Variants in HHAT observed in about 807,000 individuals in gnomAD.
The protein encoded by HHAT is hedgehog acyltransferase, also known as protein-cysteine N-palmitoyltransferase HHAT.
Under a neutral mutation model 70.8 loss-of-function variants are expected in HHAT, and 47 were observed. That is an observed-to-expected ratio of 0.66 (90% CI 0.53 to 0.85). The LOEUF (loss-of-function observed/expected upper bound fraction) is 0.85. HHAT is among the 40% of genes least tolerant of loss of function. HHAT has a pLI of 0.00. For missense variants in HHAT, 609 were observed against 604.8 expected (o/e 1.01, Z -0.07); for synonymous variants, 228 against 247.6 (o/e 0.92, Z 0.74).
intron 9 of HHAT, among the ~76,000 whole-genome samples, chr1:210,562,221 TAGC>T (rs2095629516): frequency 6.6e-6 from 1 of 150,488 alleles, no homozygotes; most frequent in African/African-American, 2.5e-5. Context: ...TAAACAATAT[TAGC>T]AGCACAAATC....
chr1:210,335,113 G>A (rs2085359775), intron 1 of HHAT, among the ~76,000 whole-genome samples: 1 of 152,038 alleles, frequency 6.6e-6, no homozygotes, highest in Non-Finnish European at 1.5e-5. Flanking sequence ...TAGGCCAAAT[G>A]CTCATAAAGA....
intron 8 of HHAT, among the ~76,000 whole-genome samples, chr1:210,489,902 A>G (rs1020456980): frequency 6.6e-6 from 1 of 151,726 alleles, no homozygotes; most frequent in Admixed American, 6.6e-5. Flanking sequence ...AGGCCATAAC[A>G]ACATTTATGA....
chr1:210,434,252 T>C (rs960690010), intron 7 of HHAT, among the ~76,000 whole-genome samples: 1 of 151,772 alleles, frequency 6.6e-6, no homozygotes, highest in Non-Finnish European at 1.5e-5. Context: ...TAGACCAGGG[T>C]TGAATAATAA....
intron 8 of HHAT, among the ~76,000 whole-genome samples, chr1:210,503,859 C>T (rs879626063): frequency 3.9e-5 from 6 of 152,150 alleles, no homozygotes; most frequent in Non-Finnish European, 7.4e-5. Context: ...CTTATACACA[C>T]CCCACGCAAA....
At position 210,675,540 on chromosome 1, in the gene HHAT, G is replaced by A. The variant is rs1476290324; in HGVS notation, c.*1161G>A. 1 of 151,950 alleles carries A rather than the reference G, an allele frequency of 6.6e-6. No individual in the cohort carries two copies. 9.4% of individuals were successfully genotyped at this position (151,950 alleles called of 1,614,324 possible). On this transcript the variant is annotated 3_prime_UTR_variant, in exon 12 of 12. Coordinates refer to ENST00000261458, the MANE Select transcript of HHAT (RefSeq NM_018194.6). ...GAATCCATAATATATCTAATTACAG[G>A]AGAATTTACAACATCTCAAGTACGT...
chr1:210,356,094 AT>A (rs11449276), intron 2 of HHAT, among the ~76,000 whole-genome samples: 17,726 of 139,844 alleles, frequency 0.13, 1,408 homozygotes, highest in East Asian at 0.27. Flanking sequence ...TTGCTTGGCT[AT>A]TTTTTTTTTT....
intron 11 of HHAT, among the ~76,000 whole-genome samples, chr1:210,656,060 G>A (rs775048768): frequency 2.0e-5 from 3 of 152,090 alleles, no homozygotes; most frequent in African/African-American, 4.8e-5. Flanking sequence ...CTTTCTGTTC[G>A]GAGGCTCTAA....
chr1:210,674,460 C>A lies in HHAT; in HGVS notation c.*81C>A. 2 of 1,068,154 alleles carry A rather than the reference C, an allele frequency of 1.9e-6. No homozygotes were observed. Among genetic ancestry groups the A allele is most frequent in the Non-Finnish European group, 1.4e-6 (1 of 706,274 alleles). The allele number at this position is 1,068,154 out of a possible 1,614,324, so 66.2% of individuals were successfully genotyped here. On this transcript the variant is annotated 3_prime_UTR_variant, in exon 12 of 12. Coordinates refer to ENST00000261458, the MANE Select transcript of HHAT (RefSeq NM_018194.6). ...ACCCTGACCTCTCACTCCAGGACAG[C>A]CTCTAAGGGATTTGATCTGCTCATC... is the stretch of plus-strand genomic sequence containing the variant.
chr1:210,531,527 A>G (rs773680244), intron 9 of HHAT, among the ~76,000 whole-genome samples: 1 of 152,224 alleles, frequency 6.6e-6, no homozygotes, highest in Non-Finnish European at 1.5e-5. Context: ...AAGTTGTGGA[A>G]TTAAACCACC....
chr1:210,578,852 G>A (rs1658519022), intron 9 of HHAT, among the ~76,000 whole-genome samples: 3 of 152,164 alleles, frequency 2.0e-5, no homozygotes, highest in Non-Finnish European at 4.4e-5. Context: ...AACTCCACAT[G>A]TATGTAGATG....
intron 7 of HHAT, among the ~76,000 whole-genome samples, chr1:210,435,699 C>T (rs1000498412): frequency 6.6e-6 from 1 of 151,486 alleles, no homozygotes; most frequent in Non-Finnish European, 1.5e-5. Flanking sequence ...CTTTGATTTG[C>T]ATTTCTGTAA....
chr1:210,343,057 T>G (rs1375703359), intron 1 of HHAT, among the ~76,000 whole-genome samples: 1 of 152,042 alleles, frequency 6.6e-6, no homozygotes, highest in African/African-American at 2.4e-5. Context: ...AGCAAACTGT[T>G]TCTCATGAAA....
At chr1:210,483,385 G>A (rs1337590082) in intron 8 of HHAT, among the ~76,000 whole-genome samples, 1 of 152,134 alleles carries the variant, frequency 6.6e-6, no homozygotes, top group African/African-American at 2.4e-5. Flanking sequence ...CCCAGCAAGC[G>A]TCCTAACCTT....
At chr1:210,487,803 T>G (rs1253145670) in intron 8 of HHAT, among the ~76,000 whole-genome samples, 3 of 152,206 alleles carry the variant, frequency 2.0e-5, no homozygotes, top group Non-Finnish European at 4.4e-5. Flanking sequence ...TTAATGTTCA[T>G]TAGTAAAGGC....
At chr1:210,480,833 G>A (rs1217248062) in intron 8 of HHAT, among the ~76,000 whole-genome samples, 1 of 152,154 alleles carries the variant, frequency 6.6e-6, no homozygotes, top group Non-Finnish European at 1.5e-5. Context: ...ATACACTCAT[G>A]TGGGACTTTT....
chr1:210,474,359 C>T (rs145237052), intron 8 of HHAT, among the ~76,000 whole-genome samples: 310 of 152,318 alleles, frequency 2.0e-3, no homozygotes, highest in Admixed American at 4.6e-3. Context: ...GGCGCCATCA[C>T]GGCTCACTGC....
chr1:210,520,276 A>G (rs1319198073), intron 9 of HHAT, among the ~76,000 whole-genome samples: 7 of 152,060 alleles, frequency 4.6e-5, no homozygotes, highest in Admixed American at 3.9e-4. Flanking sequence ...CAGCCTCCCA[A>G]AGTGCTGGGA....
intron 9 of HHAT, among the ~76,000 whole-genome samples, chr1:210,531,684 A>G (rs2095316294): frequency 1.3e-5 from 2 of 152,226 alleles, no homozygotes; most frequent in Admixed American, 6.5e-5. Context: ...TCAGTCCACA[A>G]TACCATCTGT....
chr1:210,614,241 A>G (rs2148850697), intron 10 of HHAT, among the ~76,000 whole-genome samples: 1 of 152,208 alleles, frequency 6.6e-6, no homozygotes, highest in East Asian at 1.9e-4. Flanking sequence ...ATAGAGATAC[A>G]CAACTGTTTT....
Sources: gnomAD v4.1 joint callset for allele counts (sites outside exome capture counted in the v4.1 genomes callset) on GRCh38, gnomAD v4.1.1 for gene constraint, MANE v1.5 for transcripts, NCBI Gene and HGNC (gene_info 2026-07-23, HGNC 2026-07-21) for gene names.